CPAMD8: variants seen among roughly 807,000 people sequenced by gnomAD.
CPAMD8 encodes the protein C3 and PZP-like alpha-2-macroglobulin domain-containing protein 8.
A neutral mutation model predicts 224.7 loss-of-function variants in CPAMD8; 146 were observed. That is an observed-to-expected ratio of 0.65 (90% CI 0.57 to 0.75). The LOEUF is 0.75. Among genes scored for constraint, CPAMD8 ranks in the 30% least tolerant of loss-of-function variants. CPAMD8 has a pLI of 0.00. For missense variants in CPAMD8, 2,301 were observed against 2,537.5 expected, an observed-to-expected ratio of 0.91 and a Z score of 2.00; for synonymous variants, 966 against 1,044.6, an observed-to-expected ratio of 0.92 and a Z score of 1.45.
chr19:17,009,374 T>C, intron 5 of CPAMD8, 54 bp from the exon 6 acceptor site: 1 of 1,613,398 alleles, frequency 6.2e-7, no homozygotes, highest in Non-Finnish European at 8.5e-7. Flanking sequence ...CCCCAAACCC[T>C]TTCAACATGC....
chr19:16,969,433 AT>A (rs2054971174), intron 18 of CPAMD8, among the ~76,000 whole-genome samples: 1 of 152,136 alleles, frequency 6.6e-6, no homozygotes, highest in Admixed American at 6.5e-5. Flanking sequence ...GCACAGAATA[AT>A]CCTACCCTGC....
chr19:16,941,378 A>G (rs540781457), intron 22 of CPAMD8, among the ~76,000 whole-genome samples: 10 of 152,290 alleles, frequency 6.6e-5, no homozygotes, highest in African/African-American at 2.4e-4. Context: ...TCTATGCTGC[A>G]CCGTGGATGA....
intron 17 of CPAMD8, among the ~76,000 whole-genome samples, chr19:16,973,827 CTTTTTTT>C (rs559363114): frequency 8.5e-6 from 1 of 118,326 alleles, no homozygotes; most frequent in Non-Finnish European, 1.7e-5. Context: ...AGCATTAGCC[CTTTTTTT>C]TTTTTTTTTT....
chr19:16,896,856 C>T, intron 39 of CPAMD8, 191 bp from the exon 40 acceptor site: 2 of 412,132 alleles, frequency 4.9e-6, no homozygotes, highest in Non-Finnish European at 8.5e-6. Context: ...TTGCCTAATA[C>T]TTACAAAAAC....
chr19:16,941,588 G>C (rs1293813557), intron 22 of CPAMD8, among the ~76,000 whole-genome samples: 1 of 152,156 alleles, frequency 6.6e-6, no homozygotes, highest in Non-Finnish European at 1.5e-5. Context: ...GTTGGAAGAG[G>C]GGCCTGGTGG....
chr19:16,914,567 GC>G, intron 28 of CPAMD8, 69 bp from the exon 29 acceptor site: 1 of 1,609,878 alleles, frequency 6.2e-7, no homozygotes, highest in Admixed American at 1.7e-5. Flanking sequence ...CTTCCCCCAG[GC>G]AGCTCCAGGG....
In CPAMD8 at chr19:16,904,550, C is replaced by T; in HGVS notation, c.4030G>A (p.Gly1344Arg). The T allele has an allele frequency of 6.2e-7, 1 of 1,611,130 alleles. No homozygotes were observed. The highest frequency in any genetic ancestry group is 8.5e-7 in the Non-Finnish European group (1 of 1,177,270). ...KLRSLAIMRD[G>R]VTHWSLSNSW... ...TTTGACAGGCTCCAGTGGGTGACCC[C>T]ATCTGCAAGGAAAGGAGTGGTCAAG... The change falls in exon 31 of 42, where the codon GGG (glycine) becomes AGG (arginine). Residue 1344 changes from glycine to arginine, a missense_variant and splice_region_variant. Coordinates refer to ENST00000443236, the MANE Select transcript of CPAMD8 (RefSeq NM_015692.5).
At chr19:16,971,463 C>G (rs2055060428) in intron 17 of CPAMD8, among the ~76,000 whole-genome samples, 1 of 152,126 alleles carries the variant, frequency 6.6e-6, no homozygotes, top group South Asian at 2.1e-4. Flanking sequence ...TTGAACTGTG[C>G]AACCAAATCA....
chr19:16,993,357 G>A (rs2122934291), intron 12 of CPAMD8, 59 bp downstream of exon 12: 1 of 1,477,160 alleles, frequency 6.8e-7, no homozygotes, highest in Non-Finnish European at 9.3e-7. Context: ...CCCAGCCTGG[G>A]GGAGGCCCCA....
rs766688824 is a variant in CPAMD8 at position 16,904,514 on chromosome 19, C to T, written c.4066G>A (p.Val1356Met). Residue 1356 changes from valine (V) to methionine (M), a missense_variant, in exon 31 of 42, where the codon GTG becomes ATG. By Grantham distance (21) the Val-to-Met change is conservative (BLOSUM62 1). Transcript: ENST00000443236. ...AAGCTCAAGAATGTGCCCTTGTCCA[C>T]GTCCCAGGAATTTGACAGGCTCCAG... The part of the protein sequence containing the change: ...THWSLSNSWD[V>M]DKGTFLSFSD... 29 of 1,613,992 alleles carry T rather than the reference C, an allele frequency of 1.8e-5. No homozygotes were observed. Among genetic ancestry groups the T allele is most frequent in the South Asian group, 1.8e-4 (16 of 91,094 alleles).
At chr19:16,920,591 C>A (rs2053135087) in intron 27 of CPAMD8, among the ~76,000 whole-genome samples, 1 of 152,048 alleles carries the variant, frequency 6.6e-6, no homozygotes, top group Admixed American at 6.6e-5. Context: ...CACGGTGGCT[C>A]ACGCCTGTAA....
At chr19:16,951,486 T>C (rs1293652481) in intron 20 of CPAMD8, among the ~76,000 whole-genome samples, 1 of 152,164 alleles carries the variant, frequency 6.6e-6, no homozygotes, top group Non-Finnish European at 1.5e-5. Flanking sequence ...TAAGAGATCA[T>C]CTAGGTTGCT....
At chr19:16,974,029 C>T (rs138892624) in intron 17 of CPAMD8, among the ~76,000 whole-genome samples, 6 of 151,422 alleles carry the variant, frequency 4.0e-5, no homozygotes, top group Admixed American at 6.6e-5. Context: ...GGGGTTTCAC[C>T]GTGTTGGCCA....
At chr19:16,951,076 A>G (rs1464500838) in intron 20 of CPAMD8, among the ~76,000 whole-genome samples, 1 of 152,146 alleles carries the variant, frequency 6.6e-6, no homozygotes, top group African/African-American at 2.4e-5. Context: ...AATATCATCG[A>G]AAAACAGCCC....
In CPAMD8 at chr19:16,975,118, C is replaced by T; in HGVS notation, c.2049G>A (p.Lys683=). Residue 683 remains lysine (K), a synonymous_variant, in exon 17 of 42, where the codon AAG becomes AAA. Coordinates refer to ENST00000443236, the MANE Select transcript of CPAMD8 (RefSeq NM_015692.5). ...TTACGGTGAAGGCAAACCCAGAGTC[C>T]TTGGTGATGCCCCAAGGCCACGGGA... ...SVFPWPWGIT[K]DSGFAFTETG... 1.2e-6 allele frequency: 2 copies of T among 1,612,614 alleles called. No homozygotes were observed. The highest frequency in any genetic ancestry group is 1.7e-6 in the Non-Finnish European group (2 of 1,179,770).
rs1376726381 is a variant in CPAMD8, at chr19:17,011,064, G to A, written c.486+400C>T. Among the ~76,000 whole-genome samples, 4 of 152,024 alleles carry A rather than the reference G, an allele frequency of 2.6e-5. No individual in the cohort carries two copies. In the East Asian group the frequency reaches 7.7e-4, roughly 29 times the overall value. ...AAAAAATCAGCCGGGCGTGGTGGTG[G>A]GCACCTATAATCCCGGCTACTCGGG... On this transcript the variant is annotated intron_variant, in intron 5 of 41. Transcript: ENST00000443236.
At chr19:16,911,097 C>A (rs538802515) in intron 29 of CPAMD8, among the ~76,000 whole-genome samples, 1 of 152,178 alleles carries the variant, frequency 6.6e-6, no homozygotes, top group Admixed American at 6.5e-5. Context: ...CTTTGGGGAA[C>A]GATCTAAGAC....
chr19:16,986,810 G>C (rs1370710836), intron 13 of CPAMD8, among the ~76,000 whole-genome samples: 3 of 152,046 alleles, frequency 2.0e-5, no homozygotes, highest in African/African-American at 7.2e-5. Flanking sequence ...AGCCCAGCCA[G>C]TGAGCCTGCC....
At chr19:16,926,955 T>G (rs1421700615) in intron 25 of CPAMD8, among the ~76,000 whole-genome samples, 1 of 152,146 alleles carries the variant, frequency 6.6e-6, no homozygotes, top group African/African-American at 2.4e-5. Flanking sequence ...CTCCACCCTC[T>G]GATGTCAGAG....
Sources: allele counts gnomAD v4.1 joint callset (sites outside exome capture counted in the v4.1 genomes callset), GRCh38; gene constraint gnomAD v4.1.1; transcripts MANE v1.5; gene names NCBI Gene and HGNC (gene_info 2026-07-23, HGNC 2026-07-21).